The following CEACAM21 variants were observed in gnomAD, a reference collection of about 807,000 sequenced individuals.
CEACAM21 encodes the protein CEA cell adhesion molecule 21, also known as cell adhesion molecule CEACAM21.
A neutral mutation model predicts 33.2 loss-of-function variants in CEACAM21; 38 were observed. The ratio of observed to expected loss-of-function variants is 1.14; its 90% CI spans 0.88 to 1.50. The LOEUF (loss-of-function observed/expected upper bound fraction) is 1.50, where lower values mean the gene tolerates loss of function less well. CEACAM21 is among the 40% of genes most tolerant of loss of function. The probability of loss-of-function intolerance (pLI) is 0.00; values close to 1 mark genes in which losing one functional copy is unlikely to be tolerated. For missense variants in CEACAM21, 385 were observed against 364.6 expected, an observed-to-expected ratio of 1.06 and a Z score of -0.46; for synonymous variants, 156 against 143.0, an observed-to-expected ratio of 1.09 and a Z score of -0.65.
chr19:41,560,083 C>G (rs184084581), intron 1 of CEACAM21, among the ~76,000 whole-genome samples: 1 of 152,300 alleles, frequency 6.6e-6, no homozygotes, highest in Admixed American at 6.5e-5. Context: ...CCTTCCAATA[C>G]AGGTAACACC....
intron 2 of CEACAM21, among the ~76,000 whole-genome samples, chr19:41,567,992 C>T (rs2042375663): frequency 6.6e-6 from 1 of 151,846 alleles, no homozygotes; most frequent in Admixed American, 6.6e-5. Flanking sequence ...CATGATTCAC[C>T]CTTCATCCTA....
intron 2 of CEACAM21, 97 bp downstream of exon 2, chr19:41,577,656 A>C (rs2043052926): frequency 2.6e-6 from 4 of 1,549,422 alleles, no homozygotes; most frequent in Non-Finnish European, 3.5e-6. Context: ...CCCCCTCTGC[A>C]TTACGTCCCA....
rs1334583146 is a variant in CEACAM21 at position 41,585,493 on chromosome 19, C to T, written c.848C>T (p.Pro283Leu). ...FREQQPPAST[P>L]GHGPSDSSIS ...GAGCAGCAGCCCCCAGCCTCCACCC[C>T]CGGTGAGTGTCCCTTCAGTCTGGGT... Residue 283 changes from proline to leucine, a missense_variant and splice_region_variant, in exon 5 of 7, where the codon CCC becomes CTC. Pro to Leu is a moderately conservative substitution (Grantham distance 98). Transcript: ENST00000401445. 6.2e-7 allele frequency: 1 copy of T among 1,613,730 alleles called. No homozygotes were observed. Among genetic ancestry groups the T allele is most frequent in the African/African-American group, 1.3e-5 (1 of 74,904 alleles).
intron 1 of CEACAM21, among the ~76,000 whole-genome samples, chr19:41,564,110 G>A (rs561509849): frequency 1.3e-5 from 2 of 152,230 alleles, no homozygotes; most frequent in South Asian, 2.1e-4. Context: ...CTGAGTGGGT[G>A]AGCAATCGTA....
chr19:41,556,851 G>C (rs2041563292), intron 1 of CEACAM21, among the ~76,000 whole-genome samples: 1 of 152,120 alleles, frequency 6.6e-6, no homozygotes, highest in African/African-American at 2.4e-5. Context: ...TTATCAGAAG[G>C]ATTTTTAATG....
rs570886089 is a variant in CEACAM21, at chr19:41,554,310, G to A, written c.-779+4758G>A. ...ATTATAAAATTACCTTCTAAAGAGG[G>A]CCAAAACAAGGTAACATGTGTATAT... On this transcript the variant is annotated intron_variant, in intron 1 of 7. Coordinates refer to the CEACAM21 transcript ENST00000407170. Among the ~76,000 whole-genome samples, 40 of 152,058 alleles carry A rather than the reference G, an allele frequency of 2.6e-4. No individual in the cohort carries two copies. In the South Asian group the frequency reaches 8.1e-3, roughly 31 times the overall value.
intron 3 of CEACAM21, among the ~76,000 whole-genome samples, chr19:41,583,337 T>C (rs2070455392): frequency 6.6e-6 from 1 of 152,170 alleles, no homozygotes; most frequent in African/African-American, 2.4e-5. Context: ...TCAACAAGTC[T>C]CTAGGAAGTT....
intron 3 of CEACAM21, among the ~76,000 whole-genome samples, chr19:41,583,258 CTCTG>C (rs1339558862): frequency 6.6e-6 from 1 of 152,158 alleles, no homozygotes; most frequent in Non-Finnish European, 1.5e-5. Flanking sequence ...AGTTCCTCAT[CTCTG>C]TCTGAGACCA....
At chr19:41,555,249 C>G (rs1555785265) in intron 1 of CEACAM21, 1 of 150,596 alleles carries the variant, frequency 6.6e-6, no homozygotes, top group Admixed American at 6.6e-5. Context: ...CTTCACTCAT[C>G]TACTCCTTTC....
chr19:41,576,791 A>G (rs1341225211), intron 1 of CEACAM21, among the ~76,000 whole-genome samples: 2 of 152,080 alleles, frequency 1.3e-5, no homozygotes, highest in African/African-American at 4.8e-5. Context: ...AGAGCTCACA[A>G]TCTCATGGGG....
intron 3 of CEACAM21, among the ~76,000 whole-genome samples, chr19:41,581,489 C>A (rs1340998177): frequency 6.6e-6 from 1 of 152,188 alleles, no homozygotes; most frequent in Non-Finnish European, 1.5e-5. Flanking sequence ...CTATGTGTGT[C>A]TTTAATTCCT....
chr19:41,578,385 T>A (rs1029168140), intron 2 of CEACAM21, among the ~76,000 whole-genome samples: 1 of 152,052 alleles, frequency 6.6e-6, no homozygotes, highest in Non-Finnish European at 1.5e-5. Context: ...GTCAGGTAAT[T>A]GTAAATATTT....
In CEACAM21 at chr19:41,577,387, A is replaced by C; in HGVS notation, c.252A>C (p.Ile84=). The C allele has an allele frequency of 6.2e-7, 1 of 1,614,090 alleles. No homozygotes were observed. The highest frequency in any genetic ancestry group is 1.1e-5 in the South Asian group (1 of 91,072). The change falls in exon 2 of 7, where the codon ATA becomes ATC. Residue 84 remains isoleucine (I), a synonymous_variant. Coordinates refer to ENST00000401445, the MANE Select transcript of CEACAM21 (RefSeq NM_001098506.4). The part of the protein sequence containing the change: ...EPNQLIAAYV[I]DTHVRTPGPA... ...ACCAGCTAATCGCAGCATATGTAAT[A>C]GACACTCACGTTAGGACTCCAGGGC...
At chr19:41,581,276 G>A (rs1044623575) in intron 3 of CEACAM21, among the ~76,000 whole-genome samples, 4 of 152,230 alleles carry the variant, frequency 2.6e-5, no homozygotes, top group African/African-American at 9.6e-5. Context: ...TGTTCCTGTT[G>A]CAGTTAACTA....
At chr19:41,575,029 T>C (rs1296662733), upstream of CEACAM21, among the ~76,000 whole-genome samples, 6 of 152,216 alleles carry the variant, frequency 3.9e-5, no homozygotes, top group South Asian at 2.1e-4. Context: ...AGCTGTAATA[T>C]ATGCTACGAC....
chr19:41,570,816 C>A (rs543281394), intron 2 of CEACAM21, among the ~76,000 whole-genome samples: 2 of 152,214 alleles, frequency 1.3e-5, no homozygotes, highest in South Asian at 4.2e-4. Flanking sequence ...ATCTAGTGGG[C>A]GCCTCCTGCT....
chr19:41,584,500 G>A (rs2070567342), intron 4 of CEACAM21, 57 bp downstream of exon 4: 1 of 1,463,500 alleles, frequency 6.8e-7, no homozygotes, highest in Admixed American at 1.9e-5. Flanking sequence ...CAGGCGAGAA[G>A]GAAGGAGACC....
At chr19:41,584,988 T>C (rs1413945426) in intron 4 of CEACAM21, among the ~76,000 whole-genome samples, 1 of 152,180 alleles carries the variant, frequency 6.6e-6, no homozygotes, top group African/African-American at 2.4e-5. Context: ...GACAAGATCA[T>C]TGTCCCATTT....
In CEACAM21 at chr19:41,577,545, A is replaced by G. The variant is rs368907963; in HGVS notation, c.410A>G (p.His137Arg). Reference sequence around the variant, plus strand: ...TCTCAGATTGAACAGGCATCTCACCATCTCCGTGTATACGGTGAGTGATTC... The same window carrying G: ...TCTCAGATTGAACAGGCATCTCACCGTCTCCGTGTATACGGTGAGTGATTC... The part of the protein sequence containing the change: ...RNSQIEQASH[H>R]LRVYESVAQP... Residue 137 changes from histidine (H) to arginine (R), a missense_variant, in exon 2 of 7, where the codon CAT becomes CGT. Coordinates refer to ENST00000401445, the MANE Select transcript of CEACAM21 (RefSeq NM_001098506.4). 63 of 1,613,676 alleles carry G rather than the reference A, an allele frequency of 3.9e-5. No homozygotes were observed. In the African/African-American group the frequency reaches 5.1e-4, roughly 13 times the overall value.
Sources: allele counts gnomAD v4.1 joint callset (sites outside exome capture counted in the v4.1 genomes callset), GRCh38; gene constraint gnomAD v4.1.1; transcripts MANE v1.5; gene names NCBI Gene and HGNC (gene_info 2026-07-23, HGNC 2026-07-21).